LNX1: variants seen among roughly 807,000 people sequenced by gnomAD.
LNX1 encodes ligand of numb-protein X 1, also known as E3 ubiquitin-protein ligase LNX.
Under a neutral mutation model 68.4 loss-of-function variants are expected in LNX1, and 54 were observed. The observed-to-expected ratio is 0.79, with a 90% confidence interval of 0.63 to 0.99. The LOEUF (loss-of-function observed/expected upper bound fraction) is 0.99. LNX1 is among the 50% of genes least tolerant of loss of function. The probability of loss-of-function intolerance (pLI) is 0.00; values close to 1 mark genes in which losing one functional copy is unlikely to be tolerated. For missense variants in LNX1, 906 were observed against 926.4 expected (o/e 0.98, Z 0.29); for synonymous variants, 336 against 350.0 (o/e 0.96, Z 0.45).
rs1176419062 is a variant in LNX1 at position 53,459,690 on chromosome 4, T to C, written c.*1217A>G. The C allele has an allele frequency of 1.9e-6, 1 of 526,556 alleles. No individual in the cohort carries two copies. Among genetic ancestry groups the C allele is most frequent in the East Asian group, 3.4e-5 (1 of 29,298 alleles). 32.6% of individuals were successfully genotyped at this position (526,556 alleles called of 1,614,324 possible). A position where few individuals can be genotyped will look rare whatever the true frequency, so the allele number is the denominator to read the frequency against. On this transcript the variant is annotated 3_prime_UTR_variant, in exon 11 of 11. Coordinates refer to ENST00000263925, the MANE Select transcript of LNX1 (RefSeq NM_001126328.3). Reference sequence around the variant, plus strand: ...TTTATATCCAAGAAAGGAATGTGAATGAGTCACTTAACAGGGAATCTAAAG... The same window carrying C: ...TTTATATCCAAGAAAGGAATGTGAACGAGTCACTTAACAGGGAATCTAAAG...
In LNX1 at chr4:53,478,724, TA is replaced by T; in HGVS notation, c.1503del (p.Thr502LeufsTer7). Reference sequence around the variant, plus strand: ...ATATTTACCACCTTCTCATGACAAGTAATTGTAGGATGGAGGGGCTGAAGGC... The same window carrying T: ...ATATTTACCACCTTCTCATGACAAGTATTGTAGGATGGAGGGGCTGAAGGC... Reference protein sequence around the residue: ...SNTPKPLHPTITCHEKVVNIQ... With the variant: ...SNTPKPLHPTXTCHEKVVNIQ... On this transcript the variant is annotated frameshift_variant, in exon 8 of 11. Coordinates refer to ENST00000263925, the MANE Select transcript of LNX1 (RefSeq NM_001126328.3). LOFTEE classifies it high-confidence loss of function. 1 of 1,613,874 alleles carries T rather than the reference TA, an allele frequency of 6.2e-7. No homozygotes were observed. Among genetic ancestry groups the T allele is most frequent in the Non-Finnish European group, 8.5e-7 (1 of 1,179,860 alleles).
At chr4:53,464,456 A>G (rs1722494146) in intron 9 of LNX1, among the ~76,000 whole-genome samples, 1 of 152,222 alleles carries the variant, frequency 6.6e-6, no homozygotes, top group African/African-American at 2.4e-5. Context: ...GTACCTAACA[A>G]ATATAAAATG....
intron 2 of LNX1, chr4:53,539,029 C>T (rs1728571635): frequency 6.6e-6 from 1 of 152,166 alleles, no homozygotes; most frequent in Non-Finnish European, 1.5e-5. Flanking sequence ...AACTTGGTCC[C>T]CCTGAAAGTG....
At chr4:53,576,676 CCAACT>C (rs1306664525) in intron 1 of LNX1, among the ~76,000 whole-genome samples, 1 of 151,964 alleles carries the variant, frequency 6.6e-6, no homozygotes, top group South Asian at 2.1e-4. Flanking sequence ...TCCCTCAGCC[CCAACT>C]CAACTTTCCT....
chr4:53,541,489 A>G (rs1289626826), intron 2 of LNX1, among the ~76,000 whole-genome samples: 1 of 152,022 alleles, frequency 6.6e-6, no homozygotes, highest in Non-Finnish European at 1.5e-5. Flanking sequence ...TTTTTTTTCT[A>G]AAAGAGACTT....
intron 1 of LNX1, among the ~76,000 whole-genome samples, chr4:53,646,191 C>A (rs1240003753): frequency 1.3e-5 from 2 of 152,060 alleles, no homozygotes; most frequent in African/African-American, 4.8e-5. Flanking sequence ...GATTTAAATT[C>A]TTGTTTATAT....
chr4:53,463,498 A>G (rs1293468349), intron 9 of LNX1, among the ~76,000 whole-genome samples: 1 of 152,054 alleles, frequency 6.6e-6, no homozygotes, highest in African/African-American at 2.4e-5. Context: ...TTTTTTCTTA[A>G]GTTGGGTTAT....
chr4:53,613,222 T>C (rs1406599242), intron 2 of LNX1, among the ~76,000 whole-genome samples: 1 of 151,906 alleles, frequency 6.6e-6, no homozygotes, highest in Non-Finnish European at 1.5e-5. Context: ...CACATGAACA[T>C]ATGTTTAAAT....
chr4:53,514,570 C>T (rs1726608865), intron 2 of LNX1, among the ~76,000 whole-genome samples: 2 of 152,210 alleles, frequency 1.3e-5, no homozygotes. Flanking sequence ...TATGGGGGAA[C>T]TGCCCCCATG....
At chr4:53,635,645 A>G (rs1560702444) in intron 1 of LNX1, among the ~76,000 whole-genome samples, 1 of 152,216 alleles carries the variant, frequency 6.6e-6, no homozygotes, top group Non-Finnish European at 1.5e-5. Context: ...CAATTAAATC[A>G]GTTTAATGAT....
At chr4:53,566,975 G>C (rs1730742835) in intron 2 of LNX1, among the ~76,000 whole-genome samples, 1 of 152,030 alleles carries the variant, frequency 6.6e-6, no homozygotes, top group Non-Finnish European at 1.5e-5. Context: ...TCCAATACAG[G>C]AGCACCCAGA....
At position 53,459,856 on chromosome 4, in the gene LNX1, T is replaced by TGAGA. The variant is rs769238111; in HGVS notation, c.*1047_*1050dup. The TGAGA allele has an allele frequency of 1.4e-4, 34 of 246,820 alleles. No individual in the cohort carries two copies. The highest frequency in any genetic ancestry group is 2.6e-4 in the Non-Finnish European group (33 of 126,774). 15.3% of individuals were successfully genotyped at this position (246,820 alleles called of 1,614,324 possible). A position where few individuals can be genotyped will look rare whatever the true frequency, so the allele number is the denominator to read the frequency against. On this transcript the variant is annotated 3_prime_UTR_variant, in exon 11 of 11. Transcript: ENST00000263925. ...GGCAACAAAGGGCCCCTCTAAGGCTTGAGATTAAAACTAGTCTTTATCATT... is the reference window on the plus strand; with the variant it reads ...GGCAACAAAGGGCCCCTCTAAGGCTTGAGAGAGATTAAAACTAGTCTTTATCATT...
rs539634566 is a variant in LNX1 at position 53,498,314 on chromosome 4, G to A, written c.978+327C>T. Among the ~76,000 whole-genome samples, 4 of 152,204 alleles carry A rather than the reference G, an allele frequency of 2.6e-5. No individual in the cohort carries two copies. In the South Asian group the frequency reaches 8.3e-4, roughly 32 times the overall value. On this transcript the variant is annotated intron_variant, in intron 5 of 10. Transcript: ENST00000263925. ...CTCTTTAAAAAAAGAGATAAAAGGA[G>A]AAAGAGGAGGTGGAGAAAGGGAATG...
intron 9 of LNX1, among the ~76,000 whole-genome samples, chr4:53,468,322 TA>T (rs1323735245): frequency 6.6e-6 from 1 of 152,162 alleles, no homozygotes; most frequent in Non-Finnish European, 1.5e-5. Flanking sequence ...AGGCCTGCCC[TA>T]AAAGAGCTCC....
At chr4:53,491,892 G>A (rs1224999419) in intron 6 of LNX1, among the ~76,000 whole-genome samples, 1 of 151,152 alleles carries the variant, frequency 6.6e-6, no homozygotes, top group Non-Finnish European at 1.5e-5. Context: ...TCACCTCCCG[G>A]GTTCAAGTGA....
intron 2 of LNX1, among the ~76,000 whole-genome samples, chr4:53,510,053 T>G (rs12501431): frequency 0.12 from 18,070 of 152,308 alleles, 1,398 homozygotes; most frequent in South Asian, 0.23. Context: ...TGTGTTTTCT[T>G]GCAAAGGGAC....
intron 2 of LNX1, among the ~76,000 whole-genome samples, chr4:53,545,923 T>C (rs1729085702): frequency 1.3e-5 from 2 of 149,730 alleles, no homozygotes. Flanking sequence ...TTCTCCCGCC[T>C]CAACCTCCTG....
intron 2 of LNX1, among the ~76,000 whole-genome samples, chr4:53,570,881 G>C (rs1731111686): frequency 6.6e-6 from 1 of 151,806 alleles, no homozygotes; most frequent in Non-Finnish European, 1.5e-5. Flanking sequence ...CAAAAAATTA[G>C]CTGTGCGTGG....
At chr4:53,464,634 G>A (rs1171132378) in intron 9 of LNX1, among the ~76,000 whole-genome samples, 1 of 152,046 alleles carries the variant, frequency 6.6e-6, no homozygotes, top group East Asian at 1.9e-4. Flanking sequence ...GTATAGCAAT[G>A]TTTAATATAA....
Sources: gnomAD v4.1 joint callset for allele counts (sites outside exome capture counted in the v4.1 genomes callset) on GRCh38, gnomAD v4.1.1 for gene constraint, MANE v1.5 for transcripts, NCBI Gene and HGNC (gene_info 2026-07-23, HGNC 2026-07-21) for gene names.